The following CCDC88C variants were observed in gnomAD, a reference collection of about 807,000 sequenced individuals.
CCDC88C encodes the protein coiled-coil and HOOK domain protein 88C, also known as protein Daple.
In CCDC88C, 131 loss-of-function variants were observed where a neutral mutation model predicts 198.8. The observed-to-expected ratio is 0.66, with a 90% CI of 0.57 to 0.76. The LOEUF (loss-of-function observed/expected upper bound fraction) is 0.76, where lower values mean the gene tolerates loss of function less well. Among genes scored for constraint, CCDC88C ranks in the 30% least tolerant of loss-of-function variants. The pLI is 0.00. For missense variants in CCDC88C, 2,553 were observed against 2,631.6 expected, an observed-to-expected ratio of 0.97 and a Z score of 0.65; for synonymous variants, 1,166 against 1,114.7, an observed-to-expected ratio of 1.05 and a Z score of -0.92.
At chr14:91,337,893 T>C (rs1893118203) in intron 10 of CCDC88C, 112 bp downstream of exon 10, 2 of 1,353,276 alleles carry the variant, frequency 1.5e-6, no homozygotes, top group Admixed American at 3.8e-5. Flanking sequence ...AAGCATCTGC[T>C]GAAACAGCTG....
chr14:91,349,121 C>G, intron 4 of CCDC88C, among the ~76,000 whole-genome samples: 1 of 152,176 alleles, frequency 6.6e-6, no homozygotes. Flanking sequence ...AAGACTGGCT[C>G]AGTGACACAG....
At chr14:91,291,844 G>A (rs899675986) in intron 23 of CCDC88C, among the ~76,000 whole-genome samples, 8 of 152,180 alleles carry the variant, frequency 5.3e-5, no homozygotes, top group African/African-American at 1.9e-4. Flanking sequence ...TCTTGGGCGG[G>A]CTCAGGCACC....
chr14:91,291,219 C>A, intron 23 of CCDC88C, 135 bp from the exon 24 acceptor site: 1 of 628,650 alleles, frequency 1.6e-6, no homozygotes. Flanking sequence ...GTGCTCACCA[C>A]CGTCATGGTC....
Position 91,339,273 on chromosome 14 carries a change from C to T in CCDC88C, c.809+5G>A. Reference sequence around the variant, plus strand: ...CAAAGGTAGGAGAAGCAGCCGGGGACTCACAGCTCCTGCCTGACGCGCCGC... The same window carrying T: ...CAAAGGTAGGAGAAGCAGCCGGGGATTCACAGCTCCTGCCTGACGCGCCGC... On this transcript the variant is annotated splice_donor_5th_base_variant and intron_variant, in intron 8 of 29. Transcript: ENST00000389857. The surrounding 1 kb of genome is among the most constrained non-coding windows in gnomAD (Gnocchi z 5.8). 2.5e-6 allele frequency: 4 copies of T among 1,612,232 alleles called. No individual in the cohort carries two copies. Among genetic ancestry groups the T allele is most frequent in the Non-Finnish European group, 3.4e-6 (4 of 1,179,790 alleles).
At chr14:91,329,022 C>CA (rs1892696916) in intron 10 of CCDC88C, among the ~76,000 whole-genome samples, 2 of 152,302 alleles carry the variant, frequency 1.3e-5, no homozygotes, top group South Asian at 4.1e-4. Context: ...GAGGCTGGCC[C>CA]AGGGCATCCT....
intron 3 of CCDC88C, among the ~76,000 whole-genome samples, chr14:91,370,104 A>AC (rs1894721932): frequency 6.6e-6 from 1 of 151,988 alleles, no homozygotes; most frequent in Non-Finnish European, 1.5e-5. Context: ...AAACTCAAAC[A>AC]CCGCAGCATG....
intron 13 of CCDC88C, among the ~76,000 whole-genome samples, chr14:91,317,317 T>C (rs1358962121): frequency 4.6e-5 from 7 of 152,138 alleles, no homozygotes; most frequent in African/African-American, 1.2e-4. Flanking sequence ...AAGAGCCAGG[T>C]TGGCACTAGG....
intron 25 of CCDC88C, among the ~76,000 whole-genome samples, chr14:91,286,715 C>T (rs1162416775): frequency 6.6e-6 from 1 of 152,218 alleles, no homozygotes. Flanking sequence ...CAGGGCTAGG[C>T]TCTTGTTCGG....
chr14:91,380,706 T>C (rs1292166208), intron 3 of CCDC88C, among the ~76,000 whole-genome samples: 3 of 152,130 alleles, frequency 2.0e-5, no homozygotes, highest in African/African-American at 2.4e-5. Flanking sequence ...TTCCCCTATG[T>C]GCCTCTTAAA....
intron 10 of CCDC88C, 73 bp from the exon 11 acceptor site, chr14:91,326,129 A>C: frequency 5.6e-6 from 8 of 1,425,646 alleles, no homozygotes; most frequent in Non-Finnish European, 6.7e-6. Context: ...TTCTAAAACC[A>C]AAACTCTTTC....
At chr14:91,365,351 G>T (rs555311251) in intron 3 of CCDC88C, among the ~76,000 whole-genome samples, 2 of 152,196 alleles carry the variant, frequency 1.3e-5, no homozygotes, top group African/African-American at 2.4e-5. Flanking sequence ...CCAAGGAAAG[G>T]GGTCTGAGCG....
At position 91,291,082 on chromosome 14, in the gene CCDC88C, T is replaced by G; in HGVS notation, c.4115A>C (p.Asp1372Ala). Reference protein sequence around the residue: ...QYHEEQKQYIDKLNALRRHKE... With the variant: ...QYHEEQKQYIAKLNALRRHKE... ...ATGTCTTCGTAAGGCATTTAATTTG[T>G]CTCTGTGAATATAGGAGAAAGAAAA... The change falls in exon 24 of 30, where the codon GAC (aspartate) becomes GCC (alanine). Residue 1372 changes from aspartate (D) to alanine (A), a missense_variant and splice_region_variant. Around this residue, in one of 2 missense-constraint regions of CCDC88C, gnomAD observed 1,293 missense variants for 1,219.6 expected, o/e 1.06. Coordinates refer to ENST00000389857, the MANE Select transcript of CCDC88C (RefSeq NM_001080414.4). The G allele has an allele frequency of 6.6e-7, 1 of 1,524,988 alleles. No individual in the cohort carries two copies. The highest frequency in any genetic ancestry group is 1.2e-5 in the South Asian group (1 of 85,368). 94.5% of individuals were successfully genotyped at this position (1,524,988 alleles called of 1,614,324 possible). A position where few individuals can be genotyped will look rare whatever the true frequency, so the allele number is the denominator to read the frequency against.
chr14:91,323,690 C>A (rs1397053077), intron 12 of CCDC88C, among the ~76,000 whole-genome samples: 3 of 152,242 alleles, frequency 2.0e-5, no homozygotes. Context: ...TTCTCACCAG[C>A]CACCATGGTC....
chr14:91,311,427 C>T (rs1043723688), intron 15 of CCDC88C, among the ~76,000 whole-genome samples: 1 of 152,196 alleles, frequency 6.6e-6, no homozygotes, highest in Admixed American at 6.5e-5. Flanking sequence ...TTGGGTGTGG[C>T]TGTGCTGCTG....
chr14:91,342,494 G>T, intron 5 of CCDC88C, 31 bp from the exon 6 acceptor site: 1 of 1,422,432 alleles, frequency 7.0e-7, no homozygotes. Context: ...TAATGGAAGC[G>T]CTGTTCAAGT....
At position 91,272,577 on chromosome 14, in the gene CCDC88C, G is replaced by C; in HGVS notation, c.*48C>G. 1.3e-6 allele frequency: 2 copies of C among 1,551,128 alleles called. No homozygotes were observed. Among genetic ancestry groups the C allele is most frequent in the Non-Finnish European group, 1.7e-6 (2 of 1,146,822 alleles). On this transcript the variant is annotated 3_prime_UTR_variant, in exon 30 of 30. Coordinates refer to ENST00000389857, the MANE Select transcript of CCDC88C (RefSeq NM_001080414.4). ...GCAAGAGAAAAGGCCGTGAGAGTCG[G>C]AAGGCGCGTCAGTAGTTTTCAGGTT...
In CCDC88C at chr14:91,305,929, A is replaced by G. The variant is rs1435506640; in HGVS notation, c.3196-3T>C. The G allele has an allele frequency of 6.2e-7, 1 of 1,612,470 alleles. No individual in the cohort carries two copies. Reference sequence around the variant, plus strand: ...TTCTCAGCCTGCAGAGCTGCATTCTAGAAGATCGGGAGGCATGAGCGAATC... The same window carrying G: ...TTCTCAGCCTGCAGAGCTGCATTCTGGAAGATCGGGAGGCATGAGCGAATC... On this transcript the variant is annotated splice_polypyrimidine_tract_variant and splice_region_variant and intron_variant, in intron 18 of 29. Coordinates refer to ENST00000389857, the MANE Select transcript of CCDC88C (RefSeq NM_001080414.4).
intron 2 of CCDC88C, among the ~76,000 whole-genome samples, chr14:91,414,386 G>A (rs1215386906): frequency 6.6e-6 from 1 of 152,154 alleles, no homozygotes; most frequent in African/African-American, 2.4e-5. Flanking sequence ...AATCCCAGCT[G>A]GCTATGTAGG....
At chr14:91,298,007 C>T (rs1367759769) in intron 21 of CCDC88C, among the ~76,000 whole-genome samples, 11 of 152,178 alleles carry the variant, frequency 7.2e-5, no homozygotes, top group Non-Finnish European at 1.5e-5. Context: ...ATTAAAATTG[C>T]TATCATCAAA....
Sources: allele counts gnomAD v4.1 joint callset (sites outside exome capture counted in the v4.1 genomes callset), GRCh38; gene constraint gnomAD v4.1.1; regional missense constraint gnomAD v4.1.1; non-coding constraint Gnocchi (gnomAD v3.1); transcripts MANE v1.5; gene names NCBI Gene and HGNC (gene_info 2026-07-23, HGNC 2026-07-21).